Variants in NFASC observed in about 807,000 individuals in gnomAD.
NFASC encodes neurofascin homolog.
In NFASC, 43 loss-of-function variants were observed where a neutral mutation model predicts 147.5. The ratio of observed to expected loss-of-function variants is 0.29; its 90% CI spans 0.23 to 0.38. The LOEUF is 0.38. NFASC is among the 10% of genes least tolerant of loss of function. NFASC has a pLI of 1.00. For missense variants in NFASC, 1,320 were observed against 1,689.0 expected (o/e 0.78, Z 3.83); for synonymous variants, 622 against 665.5 (o/e 0.93, Z 1.01).
rs1444982241 is a variant in NFASC at position 205,016,683 on chromosome 1, A to C, written c.*144A>C. 2.8e-6 allele frequency: 2 copies of C among 711,492 alleles called. No homozygotes were observed. Among genetic ancestry groups the C allele is most frequent in the Admixed American group, 4.0e-5 (2 of 49,754 alleles). The allele number at this position is 711,492 out of a possible 1,614,324, so 44.1% of individuals were successfully genotyped here. A position where few individuals can be genotyped will look rare whatever the true frequency, so the allele number is the denominator to read the frequency against. On this transcript the variant is annotated 3_prime_UTR_variant, in exon 30 of 30. Coordinates refer to ENST00000339876, the MANE Select transcript of NFASC (RefSeq NM_001005388.3). This position sits in a 1 kb window ranked among gnomAD's most constrained non-coding sequence, Gnocchi z 5.1. The stretch of plus-strand genomic sequence containing the variant: ...GGGGGTCTGCCAAGCTGTGAGGACC[A>C]GTAGCCACCAAGCCACCCACAAGCC...
intron 23 of NFASC, chr1:204,989,028 C>T: frequency 1.7e-6 from 1 of 580,044 alleles, no homozygotes. Context: ...ACACCTGGGT[C>T]CCCACTTGCC....
chr1:204,926,398 ATATATATATTTTTTTTTTTTTTT>A (rs1261207102), intron 2 of NFASC, among the ~76,000 whole-genome samples: 34 of 94,618 alleles, frequency 3.6e-4, no homozygotes, highest in Non-Finnish European at 4.9e-4. Context: ...ATATATATAT[ATATATATATTTTTTTTTTTTTTT>A]TTTTTTTTTT....
chr1:204,872,533 C>A (rs531619706), intron 1 of NFASC, among the ~76,000 whole-genome samples: 1 of 152,162 alleles, frequency 6.6e-6, no homozygotes, highest in Non-Finnish European at 1.5e-5. Flanking sequence ...TCAACTCAAC[C>A]GCAGTCAGCC....
At chr1:204,875,128 TAGA>T (rs1558540814) in intron 1 of NFASC, among the ~76,000 whole-genome samples, 2 of 152,114 alleles carry the variant, frequency 1.3e-5, no homozygotes, top group Non-Finnish European at 2.9e-5. Flanking sequence ...ATTCAGCCTC[TAGA>T]AGAAAGTGGG....
Position 204,840,072 on chromosome 1 carries a change from C to T in NFASC, c.-200+11290C>T, listed in dbSNP as rs1213948709. 2.0e-5 allele frequency among the ~76,000 whole-genome samples: 3 copies of T among 152,310 alleles called. No homozygotes were observed. The East Asian group carries it at 5.8e-4, about 29-fold the overall frequency. On this transcript the variant is annotated intron_variant, in intron 1 of 29. Transcript: ENST00000339876. ...TCACCATCCTCCACATAGTGCTTCT[C>T]AGTCCTCCACATGCACACAGATCAC...
intron 27 of NFASC, chr1:205,008,749 CAG>C (rs898392581): frequency 2.6e-5 from 4 of 153,128 alleles, no homozygotes; most frequent in African/African-American, 9.7e-5. Context: ...TGGGCATGGA[CAG>C]AGAGGGACTC....
rs141822882 is a variant in NFASC at position 205,011,420 on chromosome 1, C to T, written c.3422-1377C>T. ...TGTCTGGTTCTGTAACAGAGAAAGC[C>T]TGAGTTAGGGAAAAGGCTGCCTCCT... On this transcript the variant is annotated intron_variant, in intron 28 of 29. Coordinates refer to ENST00000339876, the MANE Select transcript of NFASC (RefSeq NM_001005388.3). Among the ~76,000 whole-genome samples, 528 of 152,304 alleles carry T rather than the reference C, an allele frequency of 3.5e-3. 2 individuals carry two copies. The highest frequency in any genetic ancestry group is 0.012 in the African/African-American group (508 of 41,562).
chr1:204,852,810 C>G (rs1047746246), intron 1 of NFASC, among the ~76,000 whole-genome samples: 9 of 152,226 alleles, frequency 5.9e-5, no homozygotes, highest in African/African-American at 2.2e-4. Flanking sequence ...TCACCAGCCT[C>G]CTGGGCTTGC....
rs767716067 is a variant in NFASC, at chr1:204,898,018, G to A, written c.-199-22614G>A. Among the ~76,000 whole-genome samples, 7 of 152,252 alleles carry A rather than the reference G, an allele frequency of 4.6e-5. No homozygotes were observed. In the South Asian group the frequency reaches 8.3e-4, roughly 18 times the overall value. ...CTCCCAAAGTGCTGGGATTACAAGC[G>A]TAAGCCACCGCACCAAGCCGCCTGG... is the stretch of plus-strand genomic sequence containing the variant. On this transcript the variant is annotated intron_variant, in intron 1 of 29. Transcript: ENST00000339876.
chr1:204,872,995 G>C (rs558496072), intron 1 of NFASC, among the ~76,000 whole-genome samples: 1 of 152,298 alleles, frequency 6.6e-6, no homozygotes, highest in South Asian at 2.1e-4. Flanking sequence ...TGTTCTTTTA[G>C]AGCCCCTATG....
intron 2 of NFASC, among the ~76,000 whole-genome samples, chr1:204,926,398 ATATATATATTTTTTTTTTTTT>A (rs754082354): frequency 0.32 from 30,183 of 94,480 alleles, 3,935 homozygotes; most frequent in South Asian, 0.45. Flanking sequence ...ATATATATAT[ATATATATATTTTTTTTTTTTT>A]TTTTTTTTTT....
At chr1:205,004,048 A>G (rs932306182) in intron 27 of NFASC, among the ~76,000 whole-genome samples, 2 of 152,256 alleles carry the variant, frequency 1.3e-5, no homozygotes, top group African/African-American at 4.8e-5. Context: ...CAGTGGACTG[A>G]GCAGAGCAAG....
intron 1 of NFASC, among the ~76,000 whole-genome samples, chr1:204,889,050 G>A (rs896696019): frequency 7.2e-5 from 11 of 152,200 alleles, no homozygotes; most frequent in African/African-American, 2.2e-4. Flanking sequence ...GGAGTCAGCC[G>A]TGTTTCAGGA....
chr1:204,893,916 G>A (rs1572625396), intron 1 of NFASC, among the ~76,000 whole-genome samples: 2 of 152,164 alleles, frequency 1.3e-5, no homozygotes, highest in Non-Finnish European at 2.9e-5. Context: ...GGCTAACAAC[G>A]CCCAGATAGC....
In NFASC at chr1:204,939,832, T is replaced by C. The variant is rs115533204; in HGVS notation, c.-90-4394T>C. 7.8e-3 allele frequency among the ~76,000 whole-genome samples: 1,196 copies of C among 152,384 alleles called. 13 individuals are homozygous for C. Among genetic ancestry groups the C allele is most frequent in the African/African-American group, 0.027 (1,132 of 41,598 alleles). On this transcript the variant is annotated intron_variant, in intron 2 of 29. Coordinates refer to ENST00000339876, the MANE Select transcript of NFASC (RefSeq NM_001005388.3). The stretch of plus-strand genomic sequence containing the variant: ...AGGGGAACTGTAAGCCTTGCTGATG[T>C]AGGGGTACCTTCAGGCAGGGCATCT...
chr1:204,937,071 G>T (rs1839323), intron 2 of NFASC, among the ~76,000 whole-genome samples: 25,704 of 152,012 alleles, frequency 0.17, 2,947 homozygotes, highest in African/African-American at 0.33. Flanking sequence ...TGGTCAGATG[G>T]CAACTTCTCA....
At position 204,873,429 on chromosome 1, in the gene NFASC, G is replaced by A. The variant is rs185302291; in HGVS notation, c.-200+44647G>A. On this transcript the variant is annotated intron_variant, in intron 1 of 29. Coordinates refer to ENST00000339876, the MANE Select transcript of NFASC (RefSeq NM_001005388.3). The stretch of plus-strand genomic sequence containing the variant: ...CCAGGGAGGCCAGAGAATCCCCCAG[G>A]CTTAGAGAAGAAGCCCGAGAGAGAG... Among the ~76,000 whole-genome samples the A allele has an allele frequency of 1.3e-4, 20 of 152,300 alleles. No individual in the cohort carries two copies. The East Asian group carries it at 2.7e-3, about 21-fold the overall frequency.
chr1:204,993,185 A>G (rs994666565), intron 24 of NFASC, among the ~76,000 whole-genome samples: 4 of 152,150 alleles, frequency 2.6e-5, no homozygotes, highest in Non-Finnish European at 5.9e-5. Context: ...TATTTCCCCA[A>G]ACTGCCCTGT....
At chr1:204,974,357 G>T (rs1294324085) in intron 13 of NFASC, 67 bp downstream of exon 13, 8 of 1,247,438 alleles carry the variant, frequency 6.4e-6, no homozygotes, top group Non-Finnish European at 8.1e-6. Flanking sequence ...TTCCCATCTG[G>T]CCCATAGTAG....
Sources: allele counts gnomAD v4.1 joint callset (sites outside exome capture counted in the v4.1 genomes callset), GRCh38; gene constraint gnomAD v4.1.1; non-coding constraint Gnocchi (gnomAD v3.1); transcripts MANE v1.5; gene names NCBI Gene and HGNC (gene_info 2026-07-23, HGNC 2026-07-21).